SMYD2: variants seen among roughly 807,000 people sequenced by gnomAD.
The protein encoded by SMYD2 is N-lysine methyltransferase SMYD2.
SMYD2 carries 53 observed loss-of-function variants against 59.1 expected under a neutral mutation model. The observed-to-expected ratio is 0.90, with a 90% CI of 0.72 to 1.13. The LOEUF (loss-of-function observed/expected upper bound fraction) is 1.13. Ranked by LOEUF, SMYD2 falls within the 50% of genes most tolerant of loss-of-function variation. The pLI, the probability that SMYD2 is intolerant of heterozygous loss-of-function variation, is 0.00. For synonymous variants in SMYD2, 208 were observed against 198.8 expected (o/e 1.05, Z -0.39); for missense variants, 494 against 544.7 (o/e 0.91, Z 0.93).
intron 7 of SMYD2, 45 bp downstream of exon 7, chr1:214,327,769 G>T: frequency 6.5e-7 from 1 of 1,530,096 alleles, no homozygotes; most frequent in Non-Finnish European, 9.1e-7. Context: ...GCTTGAGACT[G>T]CTCTTTAAAA....
At chr1:214,295,219 A>T (rs560395694) in intron 1 of SMYD2, among the ~76,000 whole-genome samples, 1 of 152,324 alleles carries the variant, frequency 6.6e-6, no homozygotes, top group South Asian at 2.1e-4. Context: ...CCAGAGGAAA[A>T]CATGAGATTT....
At chr1:214,295,546 G>A (rs1294325855) in intron 1 of SMYD2, among the ~76,000 whole-genome samples, 1 of 152,132 alleles carries the variant, frequency 6.6e-6, no homozygotes, top group Non-Finnish European at 1.5e-5. Context: ...GGTTCCAATA[G>A]TTGGGAAAAC....
At chr1:214,291,527 C>A (rs1656635488) in intron 1 of SMYD2, among the ~76,000 whole-genome samples, 1 of 152,204 alleles carries the variant, frequency 6.6e-6, no homozygotes, top group Non-Finnish European at 1.5e-5. Context: ...CTTCATTGAA[C>A]CTCAGCATAA....
At chr1:214,329,807 G>A (rs1489930770) in intron 7 of SMYD2, among the ~76,000 whole-genome samples, 1 of 152,322 alleles carries the variant, frequency 6.6e-6, no homozygotes, top group East Asian at 1.9e-4. Flanking sequence ...CGCCGTCTCA[G>A]GTGGTGAAAC....
Position 214,292,089 on chromosome 1 carries a change from T to TGAGAGAGAGA in SMYD2, c.173+10685_173+10694dup, listed in dbSNP as rs56410935. Among the ~76,000 whole-genome samples the TGAGAGAGAGA allele has an allele frequency of 4.3e-3, 629 of 145,980 alleles. 5 individuals are homozygous for TGAGAGAGAGA. The highest frequency in any genetic ancestry group is 0.011 in the African/African-American group (429 of 39,094). Reference sequence around the variant, plus strand: ...CTCAGCTACTAAATATTTTCTAGGGTGAGAGAGAGAGAGAGAGAGAGAGAG... The same window carrying TGAGAGAGAGA: ...CTCAGCTACTAAATATTTTCTAGGGTGAGAGAGAGAGAGAGAGAGAGAGAGAGAGAGAGAG... On this transcript the variant is annotated intron_variant, in intron 1 of 11. Transcript: ENST00000366957.
intron 2 of SMYD2, among the ~76,000 whole-genome samples, chr1:214,310,623 A>G (rs1423270854): frequency 1.3e-5 from 2 of 152,080 alleles, no homozygotes; most frequent in Non-Finnish European, 2.9e-5. Flanking sequence ...TTTTAGAAAA[A>G]TTGATAACAT....
rs1558054164 is a variant in SMYD2 at position 214,314,846 on chromosome 1, C to CT, written c.323dup (p.Thr109AsnfsTer27). On this transcript the variant is annotated frameshift_variant, in exon 3 of 12. Coordinates refer to ENST00000366957, the MANE Select transcript of SMYD2 (RefSeq NM_020197.3). LOFTEE classifies it high-confidence loss of function. ...CTGGAATCCCTCGGAGACTGTAAGACTAACAGCAAGGATTCTGGCCAAACA... is the reference window on the plus strand; with the variant it reads ...CTGGAATCCCTCGGAGACTGTAAGACTTAACAGCAAGGATTCTGGCCAAACA... The CT allele has an allele frequency of 6.2e-7, 1 of 1,613,994 alleles. No individual in the cohort carries two copies.
intron 2 of SMYD2, among the ~76,000 whole-genome samples, chr1:214,311,092 C>T (rs777863133): frequency 3.3e-5 from 5 of 152,268 alleles, no homozygotes; most frequent in East Asian, 1.9e-4. Context: ...CTGCTATGAG[C>T]GGGACTGTAT....
chr1:214,314,629 G>A (rs1657051093), intron 2 of SMYD2, 133 bp from the exon 3 acceptor site: 2 of 642,476 alleles, frequency 3.1e-6, no homozygotes, highest in Non-Finnish European at 5.5e-6. Flanking sequence ...GCTTTTGTGA[G>A]CATCCTCGTG....
At chr1:214,292,279 A>G (rs1470837711) in intron 1 of SMYD2, among the ~76,000 whole-genome samples, 1 of 152,152 alleles carries the variant, frequency 6.6e-6, no homozygotes, top group South Asian at 2.1e-4. Context: ...CACTCTGGTC[A>G]TCCTAAATTG....
At chr1:214,326,431 T>C (rs753333058) in intron 6 of SMYD2, among the ~76,000 whole-genome samples, 1 of 152,114 alleles carries the variant, frequency 6.6e-6, no homozygotes, top group South Asian at 2.1e-4. Flanking sequence ...TTTAGAAATG[T>C]GCTTTTATTT....
At chr1:214,333,767 G>A (rs559062320) in intron 10 of SMYD2, 68 of 163,704 alleles carry the variant, frequency 4.2e-4, no homozygotes, top group Non-Finnish European at 6.1e-4. Flanking sequence ...AGACACATTG[G>A]GGTGGGTGGG....
chr1:214,286,076 G>C (rs1384483656), intron 1 of SMYD2, among the ~76,000 whole-genome samples: 1 of 152,214 alleles, frequency 6.6e-6, no homozygotes, highest in Non-Finnish European at 1.5e-5. Flanking sequence ...CAGGGACTTT[G>C]TGGCAGGTGG....
intron 2 of SMYD2, among the ~76,000 whole-genome samples, chr1:214,310,909 T>C (rs1200252729): frequency 1.3e-5 from 2 of 152,182 alleles, no homozygotes; most frequent in Non-Finnish European, 1.5e-5. Context: ...CTATCACATC[T>C]TCCTTTTTTA....
chr1:214,328,011 G>C (rs1657290990), intron 7 of SMYD2, among the ~76,000 whole-genome samples: 1 of 152,198 alleles, frequency 6.6e-6, no homozygotes, highest in Non-Finnish European at 1.5e-5. Flanking sequence ...GCTTTATAGA[G>C]ATTTACAGAG....
At chr1:214,333,173 A>T (rs939540209) in intron 10 of SMYD2, 4 of 152,266 alleles carry the variant, frequency 2.6e-5, no homozygotes, top group Non-Finnish European at 4.4e-5. Flanking sequence ...AATTTGTTAA[A>T]TTGGGGATAA....
intron 9 of SMYD2, 93 bp from the exon 10 acceptor site, chr1:214,331,925 A>T: frequency 8.9e-7 from 1 of 1,126,998 alleles, no homozygotes; most frequent in Non-Finnish European, 1.2e-6. Flanking sequence ...GGTAAGGGTG[A>T]GAGTGGAGTG....
chr1:214,291,170 G>C (rs1656630658), intron 1 of SMYD2, among the ~76,000 whole-genome samples: 2 of 152,180 alleles, frequency 1.3e-5, no homozygotes, highest in Non-Finnish European at 1.5e-5. Context: ...CAAAGAAAAG[G>C]AACAAAAATC....
intron 2 of SMYD2, among the ~76,000 whole-genome samples, chr1:214,308,474 A>G (rs1656948575): frequency 6.6e-6 from 1 of 152,158 alleles, no homozygotes; most frequent in Non-Finnish European, 1.5e-5. Context: ...TGCTCCAGAT[A>G]TAAATGTGTT....
Sources: allele counts gnomAD v4.1 joint callset (sites outside exome capture counted in the v4.1 genomes callset), GRCh38; gene constraint gnomAD v4.1.1; transcripts MANE v1.5; gene names NCBI Gene and HGNC (gene_info 2026-07-23, HGNC 2026-07-21).